The following DDX4 variants were observed in gnomAD, a reference collection of about 807,000 sequenced individuals.
DDX4 encodes DEAD-box helicase 4, also known as probable ATP-dependent RNA helicase DDX4.
A neutral mutation model predicts 100.0 loss-of-function variants in DDX4; 25 were observed. The ratio of observed to expected loss-of-function variants is 0.25; its 90% CI spans 0.18 to 0.35. DDX4 has a LOEUF of 0.35. DDX4 is among the 10% of genes least tolerant of loss of function. The pLI is 1.00. For synonymous variants in DDX4, 259 were observed against 275.7 expected (o/e 0.94, Z 0.60); for missense variants, 635 against 882.4 (o/e 0.72, Z 3.55).
At chr5:55,759,773 T>C (rs1241268063) in intron 3 of DDX4, among the ~76,000 whole-genome samples, 1 of 152,226 alleles carries the variant, frequency 6.6e-6, no homozygotes, top group African/African-American at 2.4e-5. Context: ...GTATATGCCT[T>C]TTAAATTAGG....
chr5:55,746,059 G>T, intron 2 of DDX4, 105 bp from the exon 3 acceptor site: 1 of 848,368 alleles, frequency 1.2e-6, no homozygotes, highest in Non-Finnish European at 1.8e-6. Context: ...TCATTATTTT[G>T]TTCTGAACAA....
chr5:55,801,582 G>T (rs987512120), intron 18 of DDX4, among the ~76,000 whole-genome samples: 1 of 152,012 alleles, frequency 6.6e-6, no homozygotes, highest in African/African-American at 2.4e-5. Context: ...AATTTTTTCT[G>T]ACAGCCTGTG....
chr5:55,781,864 A>G, intron 9 of DDX4, 70 bp from the exon 10 acceptor site: 1 of 1,542,176 alleles, frequency 6.5e-7, no homozygotes, highest in Non-Finnish European at 8.9e-7. Context: ...AATAGAAATA[A>G]CAACATGGTT....
intron 3 of DDX4, among the ~76,000 whole-genome samples, chr5:55,758,941 T>G (rs1338741106): frequency 7.1e-6 from 1 of 141,218 alleles, no homozygotes; most frequent in Non-Finnish European, 1.5e-5. Context: ...CAGGCTGGAG[T>G]GCAGTGGTTT....
Position 55,792,687 on chromosome 5 carries a change from G to A in DDX4, c.1349G>A (p.Arg450His), listed in dbSNP as rs768783395. 15 of 1,596,286 alleles carry A rather than the reference G, an allele frequency of 9.4e-6. No individual in the cohort carries two copies. Among genetic ancestry groups the A allele is most frequent in the African/African-American group, 4.1e-5 (3 of 73,854 alleles). ...IKYLVLDEADRMLDMGFGPEM... is the reference protein window; with the variant it reads ...IKYLVLDEADHMLDMGFGPEM... The stretch of plus-strand genomic sequence containing the variant: ...TACTTAGTTTTGGATGAAGCTGATC[G>A]CATGTTGGATATGGGTTTTGGTCCA... The change falls in exon 17 of 22, where the codon CGC becomes CAC. Residue 450 changes from arginine to histidine, a missense_variant. By Grantham distance (29) the Arg-to-His change is conservative. Transcript: ENST00000505374.
chr5:55,741,959 T>C (rs1759002112), intron 2 of DDX4: 1 of 298,006 alleles, frequency 3.4e-6, no homozygotes, highest in Non-Finnish European at 6.8e-6. Flanking sequence ...TTATCTGTGA[T>C]CATCCTTTTC....
chr5:55,785,396 C>T, intron 11 of DDX4, 51 bp from the exon 12 acceptor site: 1 of 1,585,254 alleles, frequency 6.3e-7, no homozygotes, highest in Non-Finnish European at 8.6e-7. Flanking sequence ...AGTTCTTTTA[C>T]CTTTCAATTT....
chr5:55,754,252 G>A (rs1238269274), intron 3 of DDX4, among the ~76,000 whole-genome samples: 48 of 150,332 alleles, frequency 3.2e-4, no homozygotes, highest in Non-Finnish European at 6.4e-4. Context: ...TCTTGTGCCT[G>A]TTTTCAAAGG....
At chr5:55,746,802 C>T (rs149200350) in intron 3 of DDX4, among the ~76,000 whole-genome samples, 238 of 152,242 alleles carry the variant, frequency 1.6e-3, no homozygotes, top group Middle Eastern at 6.8e-3. Context: ...CTTGGGTTGT[C>T]CAACTCTATT....
At chr5:55,815,774 C>CTTTT (rs67244556) in intron 21 of DDX4, among the ~76,000 whole-genome samples, 1 of 135,986 alleles carries the variant, frequency 7.4e-6, no homozygotes, top group South Asian at 2.3e-4. Flanking sequence ...TTTTTCTTTT[C>CTTTT]TTTTTTTTTT....
At chr5:55,783,484 T>TA (rs1742045258) in intron 10 of DDX4, among the ~76,000 whole-genome samples, 3 of 152,110 alleles carry the variant, frequency 2.0e-5, no homozygotes, top group Admixed American at 2.0e-4. Context: ...ACCAGAAAGG[T>TA]AATATATAGA....
In DDX4 at chr5:55,813,783, G is replaced by T; in HGVS notation, c.1715+11G>T. 6.4e-7 allele frequency: 1 copy of T among 1,562,358 alleles called. No homozygotes were observed. The highest frequency in any genetic ancestry group is 8.6e-7 in the Non-Finnish European group (1 of 1,159,564). On this transcript the variant is annotated intron_variant, in intron 19 of 21. Coordinates refer to ENST00000505374, the MANE Select transcript of DDX4 (RefSeq NM_024415.3). ...TACAAGTATTCATGGGTGAGTAGAT[G>T]AATATAATTACCTATTAGGGGAATG...
intron 2 of DDX4, among the ~76,000 whole-genome samples, chr5:55,741,615 C>G (rs112160242): frequency 0.049 from 7,453 of 152,124 alleles, 211 homozygotes; most frequent in African/African-American, 0.078. Flanking sequence ...TAGCAAAACC[C>G]CTTCTCTACT....
At position 55,785,386 on chromosome 5, in the gene DDX4, A is replaced by T. The variant is rs781275293; in HGVS notation, c.673+42A>T. The T allele has an allele frequency of 2.5e-6, 4 of 1,584,270 alleles. No homozygotes were observed. The Admixed American group carries it at 5.1e-5, about 20-fold the overall frequency. Reference sequence around the variant, plus strand: ...CAAGGTGTTTGATTTTTATAGTGAGAGTTCTTTTACCTTTCAATTTTAAAA... The same window carrying T: ...CAAGGTGTTTGATTTTTATAGTGAGTGTTCTTTTACCTTTCAATTTTAAAA... On this transcript the variant is annotated intron_variant, in intron 11 of 21. Coordinates refer to ENST00000505374, the MANE Select transcript of DDX4 (RefSeq NM_024415.3).
rs751024016 is a variant in DDX4, at chr5:55,814,980, G to A, written c.1795G>A (p.Val599Ile). The change falls in exon 20 of 22, where the codon GTA (valine) becomes ATA (isoleucine). Residue 599 changes from valine (V) to isoleucine (I), a missense_variant. This residue lies in a region of DDX4 where 115 missense variants were observed against 224.7 expected (regional missense o/e 0.51). Transcript: ENST00000505374. Reference sequence around the variant, plus strand: ...GTGCCCAGTTCTTGTTGCTACTTCAGTAGCTGCCAGAGGGCTGGATATTGA... The same window carrying A: ...GTGCCCAGTTCTTGTTGCTACTTCAATAGCTGCCAGAGGGCTGGATATTGA... ...GKCPVLVATS[V>I]AARGLDIENV... The A allele has an allele frequency of 9.9e-6, 16 of 1,614,050 alleles. No homozygotes were observed. Among genetic ancestry groups the A allele is most frequent in the Middle Eastern group, 1.6e-4 (1 of 6,084 alleles).
intron 17 of DDX4, among the ~76,000 whole-genome samples, chr5:55,793,792 C>A (rs1358520637): frequency 6.6e-6 from 1 of 152,182 alleles, no homozygotes; most frequent in African/African-American, 2.4e-5. Flanking sequence ...TCCAAACTCA[C>A]CCTTGAACTG....
At chr5:55,763,726 C>T (rs1009863922) in intron 5 of DDX4, among the ~76,000 whole-genome samples, 1 of 152,102 alleles carries the variant, frequency 6.6e-6, no homozygotes, top group Non-Finnish European at 1.5e-5. Context: ...ATAGTGGTTA[C>T]ACTGACATAT....
chr5:55,808,462 T>C (rs1580608634), intron 18 of DDX4, among the ~76,000 whole-genome samples: 1 of 152,194 alleles, frequency 6.6e-6, no homozygotes, highest in East Asian at 1.9e-4. Context: ...CTACCTTTGG[T>C]CTTTGATGAT....
At chr5:55,776,376 G>A (rs1741565705) in intron 7 of DDX4, among the ~76,000 whole-genome samples, 1 of 152,278 alleles carries the variant, frequency 6.6e-6, no homozygotes, top group Admixed American at 6.5e-5. Flanking sequence ...AGGAGGACAG[G>A]AAAGAAGAAT....
Sources: allele counts gnomAD v4.1 joint callset (sites outside exome capture counted in the v4.1 genomes callset), GRCh38; gene constraint gnomAD v4.1.1; regional missense constraint gnomAD v4.1.1; transcripts MANE v1.5; gene names NCBI Gene and HGNC (gene_info 2026-07-23, HGNC 2026-07-21).